Variants in PTPRN2 observed in about 807,000 individuals in gnomAD.
PTPRN2 encodes the protein protein tyrosine phosphatase receptor type N2.
In PTPRN2, 74 loss-of-function variants were observed where a neutral mutation model predicts 118.8. That is an observed-to-expected ratio of 0.62 (90% CI 0.52 to 0.76). The LOEUF (loss-of-function observed/expected upper bound fraction) is 0.76, where lower values mean the gene tolerates loss of function less well. PTPRN2 is among the 30% of genes least tolerant of loss of function. The pLI is 0.00. For missense variants in PTPRN2, 1,481 were observed against 1,394.4 expected (o/e 1.06, Z -0.99); for synonymous variants, 641 against 608.0 (o/e 1.05, Z -0.80).
chr7:158,245,547 C>G (rs1281134533), intron 3 of PTPRN2, among the ~76,000 whole-genome samples: 1 of 152,156 alleles, frequency 6.6e-6, no homozygotes, highest in Non-Finnish European at 1.5e-5. Flanking sequence ...GACCTCTTGA[C>G]GTAGAGTCAG....
At chr7:158,504,430 T>C (rs983202430) in intron 1 of PTPRN2, among the ~76,000 whole-genome samples, 1 of 152,162 alleles carries the variant, frequency 6.6e-6, no homozygotes, top group Non-Finnish European at 1.5e-5. Flanking sequence ...CTCCCACTTA[T>C]AAGTGAGAAC....
chr7:157,706,449 A>G (rs1201852540), intron 12 of PTPRN2, among the ~76,000 whole-genome samples: 1 of 151,668 alleles, frequency 6.6e-6, no homozygotes, highest in Non-Finnish European at 1.5e-5. Flanking sequence ...ACATCCCTCC[A>G]GAATGTTAGG....
At chr7:157,633,130 GTTTCT>G (rs973145040) in intron 14 of PTPRN2, among the ~76,000 whole-genome samples, 9 of 150,446 alleles carry the variant, frequency 6.0e-5, no homozygotes, top group African/African-American at 2.2e-4. Flanking sequence ...CATTTCTTTA[GTTTCT>G]TTTCTTTTCT....
At chr7:158,341,531 C>T (rs1806788471) in intron 2 of PTPRN2, among the ~76,000 whole-genome samples, 1 of 121,884 alleles carries the variant, frequency 8.2e-6, no homozygotes, top group Non-Finnish European at 1.8e-5. Context: ...ACACTCTCAC[C>T]ATAAGAGGTG....
At chr7:157,928,676 T>C (rs1232715391) in intron 11 of PTPRN2, among the ~76,000 whole-genome samples, 3 of 115,004 alleles carry the variant, frequency 2.6e-5, no homozygotes, top group African/African-American at 1.0e-4. Context: ...GTTCCGACTA[T>C]GAAGAGAGGG....
intron 6 of PTPRN2, among the ~76,000 whole-genome samples, chr7:158,146,132 G>T (rs1585609983): frequency 6.6e-6 from 1 of 152,080 alleles, no homozygotes; most frequent in South Asian, 2.1e-4. Context: ...ACAGCTCATT[G>T]TGATCCTCAG....
At chr7:157,934,381 C>G (rs1799577945) in intron 11 of PTPRN2, among the ~76,000 whole-genome samples, 1 of 152,112 alleles carries the variant, frequency 6.6e-6, no homozygotes, top group Admixed American at 6.5e-5. Flanking sequence ...CTACAGATGC[C>G]AAGTGTGGGC....
intron 2 of PTPRN2, among the ~76,000 whole-genome samples, chr7:158,410,928 G>GATGGGAGGCCCCAGAGGGACA (rs1814018958): frequency 2.0e-5 from 3 of 151,786 alleles, no homozygotes; most frequent in Non-Finnish European, 3.0e-5. Context: ...GTGCTCATGG[G>GATGGGAGGCCCCAGAGGGACA]GTGGGAGGCC....
chr7:158,316,632 A>C (rs1802344901), intron 3 of PTPRN2, among the ~76,000 whole-genome samples, 187 bp downstream of exon 3: 1 of 152,100 alleles, frequency 6.6e-6, no homozygotes, highest in Non-Finnish European at 1.5e-5. Context: ...GGGCTCCTCC[A>C]AACCCAGGAA....
At chr7:158,242,069 A>G (rs1360711358) in intron 3 of PTPRN2, among the ~76,000 whole-genome samples, 7 of 152,122 alleles carry the variant, frequency 4.6e-5, no homozygotes, top group Non-Finnish European at 1.0e-4. Context: ...GACTTGGCCT[A>G]TAAGGCAGGT....
chr7:158,116,816 G>A (rs748046787), intron 9 of PTPRN2, among the ~76,000 whole-genome samples: 15 of 152,132 alleles, frequency 9.9e-5, no homozygotes, highest in Non-Finnish European at 2.1e-4. Flanking sequence ...TGAATATACA[G>A]GGAAAATTAG....
chr7:158,497,274 T>A (rs1344497751), intron 1 of PTPRN2, among the ~76,000 whole-genome samples: 2 of 137,734 alleles, frequency 1.5e-5, no homozygotes, highest in African/African-American at 2.8e-5. Context: ...TTGGGTGACA[T>A]GCAGCCCCAC....
intron 2 of PTPRN2, among the ~76,000 whole-genome samples, chr7:158,441,675 CAGTG>C (rs1817272630): frequency 1.7e-5 from 1 of 59,684 alleles, no homozygotes; most frequent in Non-Finnish European, 3.1e-5. Flanking sequence ...TGATGGTGAT[CAGTG>C]ATGGTGGTGG....
intron 5 of PTPRN2, among the ~76,000 whole-genome samples, chr7:158,175,533 C>T (rs940519974): frequency 6.6e-6 from 1 of 152,132 alleles, no homozygotes; most frequent in African/African-American, 2.4e-5. Flanking sequence ...TAACAGTGCT[C>T]AGGCTCTAAG....
In PTPRN2 at chr7:157,974,536, T is replaced by C. The variant is rs937914158; in HGVS notation, c.1724-75799A>G. On this transcript the variant is annotated intron_variant, in intron 11 of 22. Transcript: ENST00000389418. The surrounding 1 kb of genome is among the most constrained non-coding windows in gnomAD (Gnocchi z 4.0). ...CGGTCCTGCCATGGGACGATGTGACTGGGGGCTCGTCCATGCCTTGTCGTG... is the reference window on the plus strand; with the variant it reads ...CGGTCCTGCCATGGGACGATGTGACCGGGGGCTCGTCCATGCCTTGTCGTG... Among the ~76,000 whole-genome samples, 4 of 152,044 alleles carry C rather than the reference T, an allele frequency of 2.6e-5. No homozygotes were observed. Among genetic ancestry groups the C allele is most frequent in the Non-Finnish European group, 5.9e-5 (4 of 68,012 alleles).
intron 17 of PTPRN2, among the ~76,000 whole-genome samples, chr7:157,586,927 C>A (rs1014645661): frequency 6.6e-5 from 10 of 152,166 alleles, no homozygotes; most frequent in African/African-American, 2.4e-4. Context: ...TAGGACCATC[C>A]CCTCCACCGG....
chr7:158,243,260 A>T (rs1795998079), intron 3 of PTPRN2, among the ~76,000 whole-genome samples: 3 of 152,216 alleles, frequency 2.0e-5, no homozygotes, highest in Non-Finnish European at 1.5e-5. Context: ...CCAGACTCAG[A>T]GCTGAAAAGA....
intron 21 of PTPRN2, among the ~76,000 whole-genome samples, chr7:157,567,553 A>T (rs1242439704): frequency 6.6e-6 from 1 of 151,884 alleles, no homozygotes; most frequent in African/African-American, 2.4e-5. Context: ...TTTTAACCAG[A>T]AGAAAATGAA....
chr7:157,653,953 G>A (rs1454999485), intron 14 of PTPRN2, among the ~76,000 whole-genome samples: 1 of 80,042 alleles, frequency 1.2e-5, no homozygotes, highest in Non-Finnish European at 2.4e-5. Flanking sequence ...GATGCCCGCT[G>A]CTCCCCACAC....
Sources: allele counts gnomAD v4.1 joint callset (sites outside exome capture counted in the v4.1 genomes callset), GRCh38; gene constraint gnomAD v4.1.1; non-coding constraint Gnocchi (gnomAD v3.1); transcripts MANE v1.5; gene names NCBI Gene and HGNC (gene_info 2026-07-23, HGNC 2026-07-21).